Variants in FER observed in about 807,000 individuals in gnomAD.
FER encodes the protein FER tyrosine kinase, also known as tyrosine-protein kinase Fer.
A neutral mutation model predicts 111.0 loss-of-function variants in FER; 63 were observed. The observed-to-expected ratio is 0.57, with a 90% CI of 0.46 to 0.70. The LOEUF (loss-of-function observed/expected upper bound fraction) is 0.70. Among genes scored for constraint, FER ranks in the 30% least tolerant of loss-of-function variants. FER has a pLI of 0.00. For synonymous variants in FER, 327 were observed against 313.9 expected (o/e 1.04, Z -0.44); for missense variants, 914 against 954.0 (o/e 0.96, Z 0.55).
Position 108,832,817 on chromosome 5 carries a change from G to GAAGACAC in FER, c.257_263dup (p.His88GlnfsTer20). The GAAGACAC allele has an allele frequency of 6.3e-7, 1 of 1,589,406 alleles. No homozygotes were observed. Reference sequence around the variant, plus strand: ...AGACAGAACAACTTAGTAGGATAATGAAGACACATGCAGAGGACTTGAACT... The same window carrying GAAGACAC: ...AGACAGAACAACTTAGTAGGATAATGAAGACACAAGACACATGCAGAGGACTTGAACT... On this transcript the variant is annotated frameshift_variant, in exon 4 of 20. Transcript: ENST00000281092. LOFTEE classifies it high-confidence loss of function.
At chr5:109,025,815 G>C (rs1045255413) in intron 13 of FER, among the ~76,000 whole-genome samples, 1 of 152,020 alleles carries the variant, frequency 6.6e-6, no homozygotes, top group Non-Finnish European at 1.5e-5. Flanking sequence ...AATTTATTGA[G>C]AGTTTTTAGC....
At chr5:109,084,890 A>G (rs79049749) in intron 16 of FER, among the ~76,000 whole-genome samples, 1,937 of 151,984 alleles carry the variant, frequency 0.013, 30 homozygotes, top group Admixed American at 0.023. Flanking sequence ...TGTCTATGTT[A>G]TAAATGAATT....
chr5:109,186,858 C>G (rs1758930260), intron 19 of FER, among the ~76,000 whole-genome samples: 1 of 152,208 alleles, frequency 6.6e-6, no homozygotes, highest in Non-Finnish European at 1.5e-5. Flanking sequence ...GCCCTAATGT[C>G]TGGTCCCCAG....
chr5:108,922,113 C>A (rs757077976), intron 10 of FER, among the ~76,000 whole-genome samples: 1 of 152,108 alleles, frequency 6.6e-6, no homozygotes, highest in Non-Finnish European at 1.5e-5. Flanking sequence ...CAAAGGAATG[C>A]CTGGGGCTAC....
chr5:109,163,513 G>C (rs191027257), intron 17 of FER, among the ~76,000 whole-genome samples: 51 of 152,306 alleles, frequency 3.3e-4, no homozygotes, highest in Non-Finnish European at 6.6e-4. Context: ...AACAATGTAT[G>C]ACAGCTGCTA....
intron 13 of FER, chr5:109,014,989 C>A (rs1023710038): frequency 6.6e-6 from 1 of 151,872 alleles, no homozygotes; most frequent in South Asian, 2.1e-4. Flanking sequence ...TTTTTAAAGA[C>A]TGTTTTGTTC....
chr5:108,921,037 C>A (rs1385747323), intron 10 of FER, among the ~76,000 whole-genome samples: 1 of 152,060 alleles, frequency 6.6e-6, no homozygotes, highest in Non-Finnish European at 1.5e-5. Context: ...TTCCCCAGAT[C>A]TTCGTATGAC....
rs140826715 is a variant in FER, at chr5:109,079,460, T to A, written c.1925-20936T>A. ...AGTGTGGACTGAATTGATTCTTTCA[T>A]CATAAGTCTGACTGTCTTATGGTGC... On this transcript the variant is annotated intron_variant, in intron 16 of 19. Coordinates refer to ENST00000281092, the MANE Select transcript of FER (RefSeq NM_005246.4). Among the ~76,000 whole-genome samples the A allele has an allele frequency of 3.0e-3, 461 of 152,290 alleles. 2 individuals carry two copies. Among genetic ancestry groups the A allele is most frequent in the Admixed American group, 7.4e-3 (113 of 15,290 alleles).
At chr5:108,829,801 C>T (rs140495957) in intron 3 of FER, among the ~76,000 whole-genome samples, 35 of 152,092 alleles carry the variant, frequency 2.3e-4, no homozygotes, top group East Asian at 9.7e-4. Context: ...AACATGGTAC[C>T]GCCTTCATGG....
intron 17 of FER, among the ~76,000 whole-genome samples, chr5:109,176,030 A>G (rs1378998646): frequency 6.6e-6 from 1 of 152,220 alleles, no homozygotes; most frequent in Non-Finnish European, 1.5e-5. Context: ...AAGGATGCAG[A>G]GAAAAGGAAG....
chr5:109,179,175 A>G (rs928557271), intron 17 of FER, among the ~76,000 whole-genome samples: 3 of 152,238 alleles, frequency 2.0e-5, no homozygotes, highest in Non-Finnish European at 2.9e-5. Context: ...TGAAAAAGAC[A>G]TAAGAGAAAA....
chr5:109,121,650 G>A (rs867981689), intron 17 of FER, among the ~76,000 whole-genome samples: 1 of 151,900 alleles, frequency 6.6e-6, no homozygotes, highest in Non-Finnish European at 1.5e-5. Flanking sequence ...TTTTTGGGGG[G>A]CAGGAATAGT....
chr5:109,117,640 G>A (rs1750411597), intron 17 of FER, among the ~76,000 whole-genome samples: 1 of 151,920 alleles, frequency 6.6e-6, no homozygotes, highest in African/African-American at 2.4e-5. Context: ...CTACCCATGA[G>A]CATGGAATGT....
intron 17 of FER, among the ~76,000 whole-genome samples, chr5:109,153,584 A>G (rs1006916459): frequency 6.6e-6 from 1 of 151,888 alleles, no homozygotes; most frequent in Non-Finnish European, 1.5e-5. Context: ...ACTTCTTAAT[A>G]CTAACTCTAT....
chr5:108,883,432 G>C lies in FER; in HGVS notation c.960G>C (p.Gln320His). ...KTLAEELMQT[Q>H]QMLLNKEEAV... ...TAGCGGAAGAACTTATGCAAACACA[G>C]CAGATGCTTTTAAACAAGGAGGAGG... The change falls in exon 9 of 20, where the codon CAG becomes CAC. Residue 320 changes from glutamine to histidine, a missense_variant. Transcript: ENST00000281092. The C allele has an allele frequency of 3.7e-6, 6 of 1,609,094 alleles. No individual in the cohort carries two copies. Among genetic ancestry groups the C allele is most frequent in the Non-Finnish European group, 5.1e-6 (6 of 1,176,776 alleles).
chr5:108,793,501 A>ATTTT (rs1359348611), intron 2 of FER, among the ~76,000 whole-genome samples: 3 of 113,470 alleles, frequency 2.6e-5, no homozygotes, highest in African/African-American at 3.6e-5. Flanking sequence ...ACTGATATCT[A>ATTTT]TTTTTTTTTT....
chr5:108,954,928 T>G lies in FER; in HGVS notation c.1529T>G (p.Val510Gly), dbSNP rs147406165. 69 of 1,603,272 alleles carry G rather than the reference T, an allele frequency of 4.3e-5. No homozygotes were observed. The highest frequency in any genetic ancestry group is 5.5e-5 in the Non-Finnish European group (65 of 1,174,644). The change falls in exon 12 of 20, where the codon GTT becomes GGT. Residue 510 changes from valine to glycine, a missense_variant. Physicochemically the swap from Val to Gly is moderately radical, Grantham distance 109. Coordinates refer to ENST00000281092, the MANE Select transcript of FER (RefSeq NM_005246.4). ...AGGAGACATTTTATCATACAATATGTTGATGTACGTTTCCAGTTTAGTTCA... is the reference window on the plus strand; with the variant it reads ...AGGAGACATTTTATCATACAATATGGTGATGTACGTTTCCAGTTTAGTTCA... ...GQRRHFIIQY[V>G]DNMYRFEGTG...
chr5:108,840,707 T>C (rs1400570803), intron 5 of FER, among the ~76,000 whole-genome samples: 1 of 152,188 alleles, frequency 6.6e-6, no homozygotes, highest in Non-Finnish European at 1.5e-5. Context: ...ACAGGACTGC[T>C]TCATAGATGA....
intron 18 of FER, among the ~76,000 whole-genome samples, chr5:109,182,015 G>A (rs1374039539): frequency 6.6e-6 from 1 of 152,142 alleles, no homozygotes; most frequent in African/African-American, 2.4e-5. Context: ...GCGATATCTT[G>A]TGTCTGGCTT....
Sources: gnomAD v4.1 joint callset for allele counts (sites outside exome capture counted in the v4.1 genomes callset) on GRCh38, gnomAD v4.1.1 for gene constraint, MANE v1.5 for transcripts, NCBI Gene and HGNC (gene_info 2026-07-23, HGNC 2026-07-21) for gene names.